Variants in GRID2 observed in about 807,000 individuals in gnomAD.
GRID2 encodes the protein glutamate ionotropic receptor delta type subunit 2.
A neutral mutation model predicts 114.8 loss-of-function variants in GRID2; 33 were observed. The ratio of observed to expected loss-of-function variants is 0.29; its 90% CI spans 0.22 to 0.38. The LOEUF (loss-of-function observed/expected upper bound fraction) is 0.38. GRID2 is among the 10% of genes least tolerant of loss of function. The pLI is 1.00. For synonymous variants in GRID2, 505 were observed against 449.9 expected, an observed-to-expected ratio of 1.12 and a Z score of -1.55; for missense variants, 1,184 against 1,257.7, an observed-to-expected ratio of 0.94 and a Z score of 0.89.
intron 4 of GRID2, among the ~76,000 whole-genome samples, chr4:93,117,464 A>G (rs910997454): frequency 6.6e-6 from 1 of 152,220 alleles, no homozygotes; most frequent in Middle Eastern, 3.4e-3. Context: ...AAATTCACCT[A>G]TTCATTAAGC....
At chr4:92,612,497 G>C (rs1420494465) in intron 2 of GRID2, among the ~76,000 whole-genome samples, 1 of 151,432 alleles carries the variant, frequency 6.6e-6, no homozygotes, top group Non-Finnish European at 1.5e-5. Context: ...AGCATGCTGG[G>C]AAATTAGTAA....
chr4:93,749,736 G>A (rs1175758233), intron 14 of GRID2, among the ~76,000 whole-genome samples: 2 of 152,150 alleles, frequency 1.3e-5, no homozygotes, highest in Non-Finnish European at 2.9e-5. Context: ...CCTCTACAGA[G>A]CTAAGTAATG....
chr4:92,387,821 C>T lies in GRID2; in HGVS notation c.88+83077C>T, dbSNP rs139895278. On this transcript the variant is annotated intron_variant, in intron 1 of 15. Coordinates refer to ENST00000282020, the MANE Select transcript of GRID2 (RefSeq NM_001510.4). ...AAGTCTGTGGTAGAAATAAAAATTC[C>T]ATTCCCTAATTCAAAAATTCAGCAT... Among the ~76,000 whole-genome samples the T allele has an allele frequency of 7.3e-4, 111 of 152,100 alleles. No homozygotes were observed. The East Asian group carries it at 0.021, about 29-fold the overall frequency.
chr4:92,750,402 A>C (rs1178535148), intron 2 of GRID2, among the ~76,000 whole-genome samples: 3 of 152,206 alleles, frequency 2.0e-5, no homozygotes, highest in African/African-American at 7.2e-5. Context: ...AATTAATATG[A>C]AAATTCAACA....
intron 4 of GRID2, among the ~76,000 whole-genome samples, chr4:93,122,409 A>G (rs1006087957): frequency 3.3e-5 from 5 of 152,176 alleles, no homozygotes; most frequent in Non-Finnish European, 5.9e-5. Context: ...AGTGTATTTG[A>G]AAGTATTATC....
chr4:92,886,700 A>C (rs2149463999), intron 2 of GRID2, among the ~76,000 whole-genome samples: 1 of 152,308 alleles, frequency 6.6e-6, no homozygotes, highest in African/African-American at 2.4e-5. Context: ...ATTTAGGCTC[A>C]CTGCAAGCTC....
In GRID2 at chr4:92,724,375, C is replaced by T. The variant is rs538998036; in HGVS notation, c.244+134089C>T. The stretch of plus-strand genomic sequence containing the variant: ...GTTACAACTCTGCAGATCCTGAATA[C>T]GCCTAGGTTAGCATACTGCAGCTCT... On this transcript the variant is annotated intron_variant, in intron 2 of 15. Coordinates refer to ENST00000282020, the MANE Select transcript of GRID2 (RefSeq NM_001510.4). Among the ~76,000 whole-genome samples the T allele has an allele frequency of 7.2e-5, 11 of 152,240 alleles. No individual in the cohort carries two copies. In the South Asian group the frequency reaches 1.2e-3, roughly 17 times the overall value.
chr4:93,531,566 CA>C (rs145531755), intron 13 of GRID2, among the ~76,000 whole-genome samples: 5,277 of 152,004 alleles, frequency 0.035, 290 homozygotes, highest in African/African-American at 0.12. Context: ...AGATGAAAGG[CA>C]TGAAGGGAGA....
intron 8 of GRID2, among the ~76,000 whole-genome samples, chr4:93,367,047 T>G (rs1231603204): frequency 6.6e-6 from 1 of 152,102 alleles, no homozygotes; most frequent in Non-Finnish European, 1.5e-5. Flanking sequence ...CGTCCTGTTC[T>G]GGTTGTAAGT....
At chr4:93,036,741 G>C (rs1724971568) in intron 2 of GRID2, among the ~76,000 whole-genome samples, 1 of 152,036 alleles carries the variant, frequency 6.6e-6, no homozygotes, top group Non-Finnish European at 1.5e-5. Flanking sequence ...CATACTATCA[G>C]GGAATGTGTA....
At chr4:92,504,943 A>T (rs945678165) in intron 1 of GRID2, among the ~76,000 whole-genome samples, 1 of 152,044 alleles carries the variant, frequency 6.6e-6, no homozygotes, top group Non-Finnish European at 1.5e-5. Context: ...CTTGTTTTGT[A>T]CCAGAATACA....
At chr4:92,837,792 G>A (rs765958605) in intron 2 of GRID2, among the ~76,000 whole-genome samples, 3 of 151,952 alleles carry the variant, frequency 2.0e-5, no homozygotes, top group African/African-American at 4.8e-5. Context: ...TTAATTGCAC[G>A]CAAATACATG....
chr4:93,687,755 T>C (rs1393814046), intron 14 of GRID2, among the ~76,000 whole-genome samples: 1 of 151,986 alleles, frequency 6.6e-6, no homozygotes, highest in African/African-American at 2.4e-5. Context: ...ATGGAACTAA[T>C]AAGTACAGAC....
At chr4:93,053,847 G>A (rs1560831096) in intron 2 of GRID2, among the ~76,000 whole-genome samples, 1 of 151,876 alleles carries the variant, frequency 6.6e-6, no homozygotes, top group African/African-American at 2.4e-5. Context: ...CAAACACATG[G>A]ATGCTTACCA....
chr4:92,723,573 C>T (rs573981271), intron 2 of GRID2, among the ~76,000 whole-genome samples: 26 of 152,220 alleles, frequency 1.7e-4, no homozygotes, highest in African/African-American at 6.0e-4. Context: ...TCTTTAATAT[C>T]TAATCAATCT....
intron 2 of GRID2, among the ~76,000 whole-genome samples, chr4:92,833,329 AC>A (rs750844688): frequency 2.0e-5 from 3 of 152,118 alleles, no homozygotes; most frequent in Non-Finnish European, 4.4e-5. Flanking sequence ...GTTATACAAG[AC>A]TCTGGGATGT....
intron 14 of GRID2, among the ~76,000 whole-genome samples, chr4:93,697,658 T>C (rs79765909): frequency 0.041 from 6,234 of 151,942 alleles, 197 homozygotes; most frequent in African/African-American, 0.081. Context: ...GGAAAGATGT[T>C]GGTCAAAGAA....
chr4:92,445,447 A>G (rs1733406255), intron 1 of GRID2, among the ~76,000 whole-genome samples: 1 of 152,194 alleles, frequency 6.6e-6, no homozygotes. Flanking sequence ...TTTTTCAGCC[A>G]TGGAGATATT....
intron 10 of GRID2, among the ~76,000 whole-genome samples, chr4:93,451,118 T>C (rs1483061631): frequency 6.6e-6 from 1 of 152,118 alleles, no homozygotes; most frequent in Admixed American, 6.6e-5. Context: ...CAAGTATTTA[T>C]TGACCATGAA....
Sources: gnomAD v4.1 joint callset for allele counts (sites outside exome capture counted in the v4.1 genomes callset) on GRCh38, gnomAD v4.1.1 for gene constraint, MANE v1.5 for transcripts, NCBI Gene and HGNC (gene_info 2026-07-23, HGNC 2026-07-21) for gene names.